The following FOXP2 variants were observed in gnomAD, a reference collection of about 807,000 sequenced individuals.
FOXP2 encodes the protein forkhead box P2, also known as forkhead box protein P2.
FOXP2 carries 12 observed loss-of-function variants against 115.8 expected under a neutral mutation model. The observed-to-expected ratio is 0.10, with a 90% CI of 0.07 to 0.17. The LOEUF (loss-of-function observed/expected upper bound fraction) is 0.17. Among genes scored for constraint, FOXP2 ranks in the 10% least tolerant of loss-of-function variants. FOXP2 has a pLI of 1.00. For synonymous variants in FOXP2, 328 were observed against 297.7 expected (o/e 1.10, Z -1.05); for missense variants, 629 against 843.5 (o/e 0.75, Z 3.15).
intron 1 of FOXP2, among the ~76,000 whole-genome samples, chr7:114,267,744 TA>T (rs1795928173): frequency 7.6e-6 from 1 of 131,544 alleles, no homozygotes; most frequent in East Asian, 2.0e-4. Context: ...AATAAATAAA[TA>T]AATAAATAAA....
In FOXP2 at chr7:114,383,853, G is replaced by A. The variant is rs188554030; in HGVS notation, c.-10-42649G>A. ...TATTTTCCGATGAGCATTAGTCCTA[G>A]AGCGTCCTCTAAGGGCCTAATGCTT... On this transcript the variant is annotated intron_variant, in intron 2 of 17. Coordinates refer to the FOXP2 transcript ENST00000634411. Among the ~76,000 whole-genome samples the A allele has an allele frequency of 5.3e-4, 80 of 152,258 alleles. 1 individual carries two copies. The highest frequency in any genetic ancestry group is 5.7e-4 in the Non-Finnish European group (39 of 68,016).
chr7:114,337,328 T>C (rs1206441830), intron 2 of FOXP2, among the ~76,000 whole-genome samples: 1 of 151,376 alleles, frequency 6.6e-6, no homozygotes, highest in Admixed American at 6.6e-5. Context: ...AGTTTAGAAT[T>C]GTCTGTTATT....
At chr7:114,623,318 G>T (rs188995275) in intron 3 of FOXP2, among the ~76,000 whole-genome samples, 1 of 151,814 alleles carries the variant, frequency 6.6e-6, no homozygotes, top group Admixed American at 6.6e-5. Context: ...ATTTCAGTTC[G>T]TCAGGATTAG....
chr7:114,687,718 T>C (rs1808438880), intron 16 of FOXP2, among the ~76,000 whole-genome samples: 1 of 152,180 alleles, frequency 6.6e-6, no homozygotes, highest in South Asian at 2.1e-4. Flanking sequence ...ATATGATAAA[T>C]ATATGTGACA....
intron 1 of FOXP2, among the ~76,000 whole-genome samples, chr7:114,255,204 T>TG (rs71157576): frequency 1 from 152,303 of 152,310 alleles, 76,148 homozygotes; most frequent in Non-Finnish European, 1. Flanking sequence ...CTGCCCCTAC[T>TG]GGCGATGCCT....
At chr7:114,421,018 C>T (rs1793595554) in intron 1 of FOXP2, among the ~76,000 whole-genome samples, 1 of 151,324 alleles carries the variant, frequency 6.6e-6, no homozygotes, top group African/African-American at 2.4e-5. Context: ...AATTAGTTAA[C>T]CAGAATTATC....
intron 2 of FOXP2, among the ~76,000 whole-genome samples, chr7:114,476,134 A>G (rs184577548): frequency 6.4e-5 from 9 of 141,028 alleles, no homozygotes; most frequent in Admixed American, 1.4e-4. Flanking sequence ...ATTAGGTCCC[A>G]TTTGTTTATT....
chr7:114,197,634 T>A (rs1432019399), intron 1 of FOXP2, among the ~76,000 whole-genome samples: 1 of 152,184 alleles, frequency 6.6e-6, no homozygotes, highest in East Asian at 1.9e-4. Context: ...ATTGATTGAT[T>A]TTTTTCTATA....
chr7:114,385,902 G>A (rs537844279), intron 2 of FOXP2, among the ~76,000 whole-genome samples: 72 of 152,226 alleles, frequency 4.7e-4, no homozygotes, highest in Middle Eastern at 3.4e-3. Context: ...TTGGCCTCAC[G>A]GATTCCAAGG....
intron 1 of FOXP2, among the ~76,000 whole-genome samples, chr7:114,246,505 A>G (rs1294703580): frequency 6.6e-6 from 1 of 152,152 alleles, no homozygotes; most frequent in Non-Finnish European, 1.5e-5. Context: ...AGGGCCTTTT[A>G]TATGTTGTTT....
chr7:114,108,664 CTA>C lies in FOXP2; in HGVS notation c.-247+20828_-247+20829del, dbSNP rs1020121100. Among the ~76,000 whole-genome samples, 145 of 152,008 alleles carry C rather than the reference CTA, an allele frequency of 9.5e-4. 1 individual carries two copies. The highest frequency in any genetic ancestry group is 3.4e-3 in the Middle Eastern group (1 of 294). On this transcript the variant is annotated intron_variant, in intron 1 of 19. Coordinates refer to the FOXP2 transcript ENST00000635638. The stretch of plus-strand genomic sequence containing the variant: ...CTTTTTACATACACTTTCATTAGCA[CTA>C]TTAGTTTAGCAACATTAAGCAATCA...
chr7:114,251,698 A>G (rs917276993), intron 1 of FOXP2, among the ~76,000 whole-genome samples: 2 of 152,186 alleles, frequency 1.3e-5, no homozygotes, highest in East Asian at 1.9e-4. Flanking sequence ...AGCTGTAACA[A>G]TGGGGTTTTC....
chr7:114,659,556 T>A lies in FOXP2; in HGVS notation c.1546-16T>A, dbSNP rs1286088343. On this transcript the variant is annotated splice_polypyrimidine_tract_variant and intron_variant, in intron 12 of 16. Coordinates refer to ENST00000350908, the MANE Select transcript of FOXP2 (RefSeq NM_014491.4). The stretch of plus-strand genomic sequence containing the variant: ...AACCATTATTTTATGTCACTATGTA[T>A]CTTGTCTCATTTCAGGCTATCATGG... 2.5e-6 allele frequency: 4 copies of A among 1,607,740 alleles called. No homozygotes were observed. The South Asian group carries it at 4.4e-5, about 18-fold the overall frequency.
chr7:114,183,401 T>C (rs541056654), intron 1 of FOXP2, among the ~76,000 whole-genome samples: 42 of 152,264 alleles, frequency 2.8e-4, no homozygotes, highest in African/African-American at 9.4e-4. Context: ...CACTCTTATA[T>C]ATTTAATTAT....
intron 2 of FOXP2, among the ~76,000 whole-genome samples, chr7:114,294,985 T>C (rs1035093609): frequency 3.3e-5 from 5 of 152,152 alleles, no homozygotes; most frequent in African/African-American, 1.2e-4. Flanking sequence ...ATTGATGTGA[T>C]GATAGAATTT....
At chr7:114,613,411 C>G (rs989788746) in intron 3 of FOXP2, among the ~76,000 whole-genome samples, 2 of 152,048 alleles carry the variant, frequency 1.3e-5, no homozygotes, top group African/African-American at 4.8e-5. Flanking sequence ...CTTGGTGGCT[C>G]TCGCCTGTAA....
chr7:114,579,968 GA>G (rs1184966714), intron 3 of FOXP2, among the ~76,000 whole-genome samples: 1 of 152,140 alleles, frequency 6.6e-6, no homozygotes, highest in Non-Finnish European at 1.5e-5. Flanking sequence ...AAGTAGTTAG[GA>G]GAGGTTTATT....
chr7:114,331,373 A>G (rs1326459810), intron 2 of FOXP2, among the ~76,000 whole-genome samples: 1 of 152,226 alleles, frequency 6.6e-6, no homozygotes, highest in African/African-American at 2.4e-5. Context: ...CATAGTGATC[A>G]AATGTAAAGG....
chr7:114,589,293 G>A (rs914831267), intron 3 of FOXP2, among the ~76,000 whole-genome samples: 1 of 151,746 alleles, frequency 6.6e-6, no homozygotes, highest in African/African-American at 2.4e-5. Context: ...ATATGGAGTA[G>A]CCTTATTAAT....
Sources: allele counts gnomAD v4.1 joint callset (sites outside exome capture counted in the v4.1 genomes callset), GRCh38; gene constraint gnomAD v4.1.1; transcripts MANE v1.5; gene names NCBI Gene and HGNC (gene_info 2026-07-23, HGNC 2026-07-21).